The following NIPBL variants were observed in gnomAD, a reference collection of about 807,000 sequenced individuals.
NIPBL encodes NIPBL cohesin loading factor, also known as nipped-B-like protein.
NIPBL carries 19 observed loss-of-function variants against 321.8 expected under a neutral mutation model. The observed-to-expected ratio is 0.06, with a 90% confidence interval of 0.04 to 0.09. The LOEUF (loss-of-function observed/expected upper bound fraction) is 0.09, where lower values mean the gene tolerates loss of function less well. NIPBL is among the 10% of genes least tolerant of loss of function. The pLI is 1.00. For synonymous variants in NIPBL, 1,106 were observed against 1,114.1 expected (o/e 0.99, Z 0.14); for missense variants, 2,210 against 3,327.0 (o/e 0.66, Z 8.26).
At chr5:37,036,547 T>C in intron 33 of NIPBL, 60 bp downstream of exon 33, 1 of 670,674 alleles carries the variant, frequency 1.5e-6, no homozygotes, top group Non-Finnish European at 2.3e-6. Context: ...TTTTAAATAT[T>C]TTGAGTAAAT....
At position 37,054,769 on chromosome 5, in the gene NIPBL, G is replaced by A. The variant is rs1295506419; in HGVS notation, c.7263+2203G>A. Among the ~76,000 whole-genome samples the A allele has an allele frequency of 2.6e-5, 4 of 152,192 alleles. No homozygotes were observed. The East Asian group carries it at 5.8e-4, about 22-fold the overall frequency. On this transcript the variant is annotated intron_variant, in intron 42 of 46. Coordinates refer to ENST00000282516, the MANE Select transcript of NIPBL (RefSeq NM_133433.4). ...GAGAGGGATCTGCTATATAAACCAG[G>A]GAAGGAAGATGTTCCAGTCAGGGCC...
intron 1 of NIPBL, among the ~76,000 whole-genome samples, chr5:36,891,419 G>A (rs1439865955): frequency 6.6e-6 from 1 of 152,200 alleles, no homozygotes; most frequent in Non-Finnish European, 1.5e-5. Context: ...GGTAGGGGTG[G>A]TCACCTAATT....
At chr5:36,948,412 A>G (rs1014855861) in intron 1 of NIPBL, among the ~76,000 whole-genome samples, 26 of 152,096 alleles carry the variant, frequency 1.7e-4, no homozygotes, top group Admixed American at 2.6e-4. Context: ...AAAATGCTTT[A>G]GTTATGTTGA....
intron 46 of NIPBL, 47 bp from the exon 47 acceptor site, chr5:37,064,480 T>C: frequency 1.2e-6 from 2 of 1,603,968 alleles, no homozygotes; most frequent in Non-Finnish European, 1.7e-6. Context: ...TCACTAAAAT[T>C]CTTTTGTGTA....
At chr5:36,967,091 C>T (rs1742292023) in intron 6 of NIPBL, among the ~76,000 whole-genome samples, 1 of 151,860 alleles carries the variant, frequency 6.6e-6, no homozygotes, top group Non-Finnish European at 1.5e-5. Context: ...ACCGAAATCT[C>T]ATACAGATCG....
intron 1 of NIPBL, among the ~76,000 whole-genome samples, chr5:36,944,451 A>G (rs1463931954): frequency 6.6e-6 from 1 of 152,156 alleles, no homozygotes; most frequent in Non-Finnish European, 1.5e-5. Flanking sequence ...GTCTTGAAGA[A>G]CTGAAGATCA....
chr5:37,064,413 T>C, intron 46 of NIPBL, 114 bp from the exon 47 acceptor site: 1 of 1,556,820 alleles, frequency 6.4e-7, no homozygotes, highest in Non-Finnish European at 8.6e-7. Flanking sequence ...AATGGAAGTG[T>C]GCCGGGAAAT....
intron 1 of NIPBL, among the ~76,000 whole-genome samples, chr5:36,893,417 C>T (rs564575444): frequency 6.6e-6 from 1 of 152,068 alleles, no homozygotes; most frequent in East Asian, 1.9e-4. Flanking sequence ...TTCCAAGGTT[C>T]TAAGTATACT....
rs1200456981 is a variant in NIPBL at position 36,960,371 on chromosome 5, GAAAA to G, written c.359-1103_359-1100del. On this transcript the variant is annotated intron_variant, in intron 4 of 46. Transcript: ENST00000282516. ...TGTTCATCTCCCTCCAAAAGAAAAA[GAAAA>G]AAAAAAAAACCTCCAGCAACAATAA... 2.7e-5 allele frequency among the ~76,000 whole-genome samples: 3 copies of G among 111,412 alleles called. No individual in the cohort carries two copies. In the South Asian group the frequency reaches 8.5e-4, roughly 32 times the overall value. The allele number at this position is 111,412 out of a possible 152,430, so 73.1% of individuals were successfully genotyped here.
Position 37,045,344 on chromosome 5 carries a change from T to G in NIPBL, c.6344-99T>G, listed in dbSNP as rs944683954. ...ACTCCAGCCTGGGTGACAGTGAGAC[T>G]CCATCTCAAAAAAAAAATTGTAATT... On this transcript the variant is annotated intron_variant, in intron 36 of 46. Transcript: ENST00000282516. The G allele has an allele frequency of 1.2e-5, 11 of 908,410 alleles. No homozygotes were observed. In the South Asian group the frequency reaches 1.7e-4, roughly 14 times the overall value. 56.3% of individuals were successfully genotyped at this position (908,410 alleles called of 1,614,324 possible).
intron 21 of NIPBL, among the ~76,000 whole-genome samples, chr5:37,014,478 CTCTA>C (rs1380916684): frequency 6.6e-6 from 1 of 151,976 alleles, no homozygotes; most frequent in African/African-American, 2.4e-5. Flanking sequence ...TTTAATAACA[CTCTA>C]TCTGTATTTT....
In NIPBL at chr5:37,010,176, T is replaced by C; in HGVS notation, c.4511T>C (p.Leu1504Ser). Residue 1504 changes from leucine (L) to serine (S), a missense_variant, in exon 21 of 47, where the codon TTA (leucine) becomes TCA (serine). This residue lies in a region of NIPBL where 381 missense variants were observed against 642.3 expected (regional missense o/e 0.59). Transcript: ENST00000282516. The part of the protein sequence containing the change: ...VLQLIQCVVH[L>S]PSSEKDSNAE... ...CAACTTATTCAGTGTGTGGTACACT[T>C]ACCATCATCAGAGAAGGACTCTAAT... 2 of 1,610,932 alleles carry C rather than the reference T, an allele frequency of 1.2e-6. No individual in the cohort carries two copies. Among genetic ancestry groups the C allele is most frequent in the Non-Finnish European group, 1.7e-6 (2 of 1,177,200 alleles).
intron 34 of NIPBL, among the ~76,000 whole-genome samples, chr5:37,039,874 G>A (rs1045330741): frequency 6.6e-6 from 1 of 152,034 alleles, no homozygotes; most frequent in African/African-American, 2.4e-5. Flanking sequence ...TCTATCTTTA[G>A]GGTTCGTATT....
chr5:37,029,665 C>T (rs1750726399), intron 32 of NIPBL, among the ~76,000 whole-genome samples: 2 of 152,128 alleles, frequency 1.3e-5, no homozygotes, highest in Non-Finnish European at 2.9e-5. Flanking sequence ...TTTTCATTTC[C>T]ACCATCAGTG....
chr5:37,028,333 CTTTTTTTTTT>C (rs10676635), intron 32 of NIPBL, among the ~76,000 whole-genome samples: 2 of 102,556 alleles, frequency 2.0e-5, no homozygotes, highest in African/African-American at 8.5e-5. Flanking sequence ...TTCCATAATA[CTTTTTTTTTT>C]TTTTTTTTTT....
At chr5:36,931,691 C>G (rs1229539501) in intron 1 of NIPBL, among the ~76,000 whole-genome samples, 1 of 151,232 alleles carries the variant, frequency 6.6e-6, no homozygotes, top group African/African-American at 2.4e-5. Context: ...TGTGTCTGTT[C>G]TCTCTTACTT....
At chr5:37,007,859 A>G (rs1204691772) in intron 18 of NIPBL, 149 bp from the exon 19 acceptor site, 2 of 660,268 alleles carry the variant, frequency 3.0e-6, no homozygotes, top group South Asian at 1.8e-5. Context: ...GGAAACAGAG[A>G]AAAGAATAGA....
At chr5:36,930,470 C>A (rs1403483543) in intron 1 of NIPBL, among the ~76,000 whole-genome samples, 1 of 151,990 alleles carries the variant, frequency 6.6e-6, no homozygotes, top group South Asian at 2.1e-4. Context: ...GGATTTTCTA[C>A]ATACTGGACA....
At chr5:37,019,591 T>C (rs1377296566) in intron 25 of NIPBL, among the ~76,000 whole-genome samples, 191 bp downstream of exon 25, 1 of 152,228 alleles carries the variant, frequency 6.6e-6, no homozygotes, top group Non-Finnish European at 1.5e-5. Context: ...GGAATTCTGG[T>C]TACAGATACT....
Sources: gnomAD v4.1 joint callset for allele counts (sites outside exome capture counted in the v4.1 genomes callset) on GRCh38, gnomAD v4.1.1 for gene constraint, gnomAD v4.1.1 regional missense constraint, MANE v1.5 for transcripts, NCBI Gene and HGNC (gene_info 2026-07-23, HGNC 2026-07-21) for gene names.